The following TTK variants were observed in gnomAD, a reference collection of about 807,000 sequenced individuals.
The protein encoded by TTK is dual specificity protein kinase TTK.
In TTK, 59 loss-of-function variants were observed where a neutral mutation model predicts 117.3. That is an observed-to-expected ratio of 0.50 (90% confidence interval 0.41 to 0.62). The LOEUF (loss-of-function observed/expected upper bound fraction) is 0.62. TTK is among the 20% of genes least tolerant of loss of function. The pLI, the probability that TTK is intolerant of heterozygous loss-of-function variation, is 0.00. For missense variants in TTK, 921 were observed against 989.4 expected (o/e 0.93, Z 0.93); for synonymous variants, 302 against 325.0 (o/e 0.93, Z 0.76).
At chr6:80,017,537 C>T (rs1767340522) in intron 10 of TTK, among the ~76,000 whole-genome samples, 3 of 152,148 alleles carry the variant, frequency 2.0e-5, no homozygotes, top group African/African-American at 7.2e-5. Context: ...CCTCAGCTTC[C>T]CAAAGTGCTG....
intron 8 of TTK, among the ~76,000 whole-genome samples, chr6:80,012,508 G>C (rs1040528358): frequency 6.6e-6 from 1 of 151,924 alleles, no homozygotes; most frequent in Non-Finnish European, 1.5e-5. Flanking sequence ...TTTATTCCCT[G>C]TTAAGAAATG....
intron 6 of TTK, 59 bp from the exon 7 acceptor site, chr6:80,011,670 G>A: frequency 6.3e-7 from 1 of 1,584,404 alleles, no homozygotes; most frequent in African/African-American, 1.4e-5. Flanking sequence ...TAGCAGTAGA[G>A]TAGAAATACA....
intron 5 of TTK, 133 bp from the exon 6 acceptor site, chr6:80,011,301 C>G (rs906243139): frequency 7.1e-6 from 4 of 560,014 alleles, no homozygotes; most frequent in Non-Finnish European, 1.2e-5. Flanking sequence ...GTATCATCTT[C>G]ATGTCTGCAT....
Position 80,005,973 on chromosome 6 carries a change from G to T in TTK, c.130G>T (p.Asp44Tyr). The T allele has an allele frequency of 6.2e-7, 1 of 1,603,608 alleles. No individual in the cohort carries two copies. The highest frequency in any genetic ancestry group is 1.1e-5 in the South Asian group (1 of 89,354). ...ACTAAGCTTGAATAAAATTTCTGCT[G>T]ATACTACAGGTGAGTTTTTCTTTTC... The part of the protein sequence containing the change: ...DELSLNKISA[D>Y]TTDNSGTVNQ... The change falls in exon 2 of 22, where the codon GAT becomes TAT. Residue 44 changes from aspartate (D) to tyrosine (Y), a missense_variant. Coordinates refer to ENST00000369798, the MANE Select transcript of TTK (RefSeq NM_003318.5).
chr6:80,005,675 A>G, intron 1 of TTK, 167 bp from the exon 2 acceptor site: 1 of 644,004 alleles, frequency 1.6e-6, no homozygotes, highest in South Asian at 2.1e-5. Context: ...AAAGATGTGT[A>G]CCTTGTTGTT....
At chr6:80,019,998 T>C (rs1444839815) in intron 10 of TTK, among the ~76,000 whole-genome samples, 1 of 152,218 alleles carries the variant, frequency 6.6e-6, no homozygotes. Context: ...TTATGAGTAC[T>C]CATTTACTTA....
At chr6:80,007,116 T>G (rs1265476344) in intron 2 of TTK, among the ~76,000 whole-genome samples, 3 of 152,158 alleles carry the variant, frequency 2.0e-5, no homozygotes, top group Admixed American at 6.5e-5. Flanking sequence ...TTCTGTTGGT[T>G]GGGGTTCCAC....
chr6:80,030,076 G>A (rs1164323221), intron 13 of TTK, among the ~76,000 whole-genome samples: 2 of 152,086 alleles, frequency 1.3e-5, no homozygotes, highest in Non-Finnish European at 2.9e-5. Context: ...TCCTAGAGGT[G>A]AAAAAATTAG....
intron 10 of TTK, among the ~76,000 whole-genome samples, chr6:80,015,465 A>G (rs550244743): frequency 5.3e-5 from 8 of 152,286 alleles, no homozygotes; most frequent in Admixed American, 4.6e-4. Context: ...TTGTTTTAAT[A>G]GGACTGAGGA....
intron 10 of TTK, among the ~76,000 whole-genome samples, chr6:80,021,258 G>A (rs1767450433): frequency 1.3e-5 from 2 of 152,196 alleles, no homozygotes; most frequent in South Asian, 4.1e-4. Context: ...AGTTCCTTAA[G>A]GTCCCAGCTG....
chr6:80,040,079 T>C (rs1582117517), intron 19 of TTK, 117 bp from the exon 20 acceptor site: 4 of 967,642 alleles, frequency 4.1e-6, no homozygotes, highest in South Asian at 2.6e-5. Flanking sequence ...CATAATACTT[T>C]AGTGGGATAT....
Position 80,008,043 on chromosome 6 carries a change from C to G in TTK, c.362+12C>G. 6.2e-7 allele frequency: 1 copy of G among 1,610,944 alleles called. No homozygotes were observed. Among genetic ancestry groups the G allele is most frequent in the Non-Finnish European group, 8.5e-7 (1 of 1,178,270 alleles). On this transcript the variant is annotated intron_variant, in intron 3 of 21. Transcript: ENST00000369798. Reference sequence around the variant, plus strand: ...GCTGAATTAAAAGCGTAAGTATTAGCATTTTAACTATGTTCAACTATGTTA... The same window carrying G: ...GCTGAATTAAAAGCGTAAGTATTAGGATTTTAACTATGTTCAACTATGTTA...
At position 80,033,367 on chromosome 6, in the gene TTK, A is replaced by G. The variant is rs370464863; in HGVS notation, c.1615-1618A>G. Among the ~76,000 whole-genome samples the G allele has an allele frequency of 5.3e-5, 8 of 152,252 alleles. No individual in the cohort carries two copies. The East Asian group carries it at 1.3e-3, about 26-fold the overall frequency. ...GTAAAACTTCAACTCCCACCTTTCA[A>G]TCACCAGTGTTCTCCATTCCCCACC... On this transcript the variant is annotated intron_variant, in intron 14 of 21. Coordinates refer to ENST00000369798, the MANE Select transcript of TTK (RefSeq NM_003318.5).
chr6:80,026,553 A>G (rs1364530912), intron 12 of TTK, 39 bp downstream of exon 12: 1 of 1,610,210 alleles, frequency 6.2e-7, no homozygotes, highest in Admixed American at 1.7e-5. Flanking sequence ...GCAGGGTGGT[A>G]TGATAGAATT....
chr6:80,019,857 T>A (rs2127674373), intron 10 of TTK, among the ~76,000 whole-genome samples: 1 of 152,290 alleles, frequency 6.6e-6, no homozygotes, highest in East Asian at 1.9e-4. Context: ...ATAAAACCAT[T>A]TGGTCAATAA....
rs751945146 is a variant in TTK at position 80,036,557 on chromosome 6, C to A, written c.2007C>A (p.Asn669Lys). The change falls in exon 17 of 22, where the codon AAC becomes AAA. Residue 669 changes from asparagine (N) to lysine (K), a missense_variant. Asn to Lys is a moderately conservative substitution (Grantham distance 94). Transcript: ENST00000369798. Reference sequence around the variant, plus strand: ...AGCTAATTGATTTTGGGATTGCAAACCAAATGCAACCAGATACAACAAGTG... The same window carrying A: ...AGCTAATTGATTTTGGGATTGCAAAACAAATGCAACCAGATACAACAAGTG... ...MLKLIDFGIA[N>K]QMQPDTTSVV... is the part of the protein sequence containing the mutation. The A allele has an allele frequency of 1.2e-6, 2 of 1,611,142 alleles. No individual in the cohort carries two copies. Among genetic ancestry groups the A allele is most frequent in the South Asian group, 2.2e-5 (2 of 90,624 alleles).
At chr6:80,030,452 A>G (rs1767726741) in intron 13 of TTK, among the ~76,000 whole-genome samples, 2 of 152,132 alleles carry the variant, frequency 1.3e-5, no homozygotes, top group South Asian at 4.1e-4. Flanking sequence ...GAGTTCTTAC[A>G]CTGCTATAAA....
intron 7 of TTK, 28 bp from the exon 8 acceptor site, chr6:80,011,858 G>A (rs980500641): frequency 6.2e-7 from 1 of 1,611,790 alleles, no homozygotes; most frequent in Non-Finnish European, 8.5e-7. Flanking sequence ...TTCCTAGTTG[G>A]TTATTTAATC....
chr6:80,025,184 T>C (rs1354197552), intron 11 of TTK, among the ~76,000 whole-genome samples: 1 of 152,242 alleles, frequency 6.6e-6, no homozygotes, highest in Non-Finnish European at 1.5e-5. Flanking sequence ...GATCGTGATC[T>C]TTTTCATTTT....
Sources: allele counts gnomAD v4.1 joint callset (sites outside exome capture counted in the v4.1 genomes callset), GRCh38; gene constraint gnomAD v4.1.1; transcripts MANE v1.5; gene names NCBI Gene and HGNC (gene_info 2026-07-23, HGNC 2026-07-21).